GPR176: variants seen among roughly 807,000 people sequenced by gnomAD.
GPR176 encodes G protein-coupled receptor 176.
GPR176 carries 26 observed loss-of-function variants against 35.4 expected under a neutral mutation model. The observed-to-expected ratio is 0.74, with a 90% confidence interval of 0.54 to 1.02. The LOEUF (loss-of-function observed/expected upper bound fraction) is 1.02. GPR176 is among the 50% of genes least tolerant of loss of function. The pLI is 0.00. For missense variants in GPR176, 597 were observed against 665.3 expected (o/e 0.90, Z 1.13); for synonymous variants, 278 against 271.3 (o/e 1.02, Z -0.24).
At chr15:39,815,600 A>C (rs1487431566) in intron 1 of GPR176, among the ~76,000 whole-genome samples, 1 of 152,242 alleles carries the variant, frequency 6.6e-6, no homozygotes, top group Non-Finnish European at 1.5e-5. Context: ...GACTCAAAGC[A>C]AACATGAAAC....
intron 1 of GPR176, chr15:39,862,315 CATG>C (rs1433530400): frequency 6.6e-6 from 1 of 152,212 alleles, no homozygotes; most frequent in Non-Finnish European, 1.5e-5. Context: ...AACTTTTAAA[CATG>C]ATATCCTACC....
intron 1 of GPR176, among the ~76,000 whole-genome samples, chr15:39,914,801 A>T (rs2033683768): frequency 6.6e-6 from 1 of 152,216 alleles, no homozygotes; most frequent in South Asian, 2.1e-4. Context: ...TCTATCAAAC[A>T]TTTAACTAAG....
intron 1 of GPR176, among the ~76,000 whole-genome samples, chr15:39,823,705 T>C (rs1900429631): frequency 6.6e-6 from 1 of 152,188 alleles, no homozygotes; most frequent in South Asian, 2.1e-4. Context: ...TTCCCATTGT[T>C]TGTAAAGGGA....
intron 1 of GPR176, among the ~76,000 whole-genome samples, chr15:39,867,896 G>A (rs1028658690): frequency 6.6e-6 from 1 of 152,100 alleles, no homozygotes; most frequent in African/African-American, 2.4e-5. Context: ...TTTTGGAATA[G>A]GAGACAGTTT....
intron 1 of GPR176, among the ~76,000 whole-genome samples, chr15:39,808,655 A>G (rs1187159488): frequency 6.6e-6 from 1 of 152,198 alleles, no homozygotes; most frequent in African/African-American, 2.4e-5. Flanking sequence ...AACTGTATCA[A>G]TCTTGTTCAC....
At chr15:39,879,398 AT>A (rs1474933679) in intron 1 of GPR176, among the ~76,000 whole-genome samples, 1 of 152,200 alleles carries the variant, frequency 6.6e-6, no homozygotes, top group African/African-American at 2.4e-5. Context: ...ATCAGCTGAT[AT>A]TTAGATGCCT....
At chr15:39,843,829 T>C (rs1022208647) in intron 1 of GPR176, among the ~76,000 whole-genome samples, 5 of 152,176 alleles carry the variant, frequency 3.3e-5, no homozygotes, top group Admixed American at 3.3e-4. Context: ...ACAAGTGCTA[T>C]CTTCTTTTCT....
intron 1 of GPR176, among the ~76,000 whole-genome samples, chr15:39,876,822 G>A (rs1454503188): frequency 6.7e-6 from 1 of 149,956 alleles, no homozygotes; most frequent in Non-Finnish European, 1.5e-5. Context: ...GTTACAAAAA[G>A]AGAGAGAGAG....
chr15:39,899,508 C>T lies in GPR176; in HGVS notation c.172+20347G>A, dbSNP rs534823375. 3.9e-5 allele frequency among the ~76,000 whole-genome samples: 6 copies of T among 152,196 alleles called. No homozygotes were observed. The South Asian group carries it at 1.0e-3, about 26-fold the overall frequency. ...GAAGTGCCAGATCAACTCTGAAGAA[C>T]TTTAAGGAATTACAGATAATAAGAA... On this transcript the variant is annotated intron_variant, in intron 1 of 2. Transcript: ENST00000561100.
At chr15:39,874,357 T>A (rs1037792673) in intron 1 of GPR176, among the ~76,000 whole-genome samples, 9 of 152,208 alleles carry the variant, frequency 5.9e-5, no homozygotes, top group African/African-American at 2.2e-4. Flanking sequence ...TGTGATACCA[T>A]CCATTTTCAC....
intron 1 of GPR176, among the ~76,000 whole-genome samples, chr15:39,891,754 A>G (rs981625883): frequency 6.6e-6 from 1 of 152,182 alleles, no homozygotes; most frequent in Non-Finnish European, 1.5e-5. Context: ...TTGGAGGACC[A>G]CTTAAGCCCA....
chr15:39,851,957 C>T (rs1457626731), intron 1 of GPR176, among the ~76,000 whole-genome samples: 1 of 152,114 alleles, frequency 6.6e-6, no homozygotes, highest in African/African-American at 2.4e-5. Flanking sequence ...AGCTCCTGAA[C>T]AGTCTGCTTT....
rs1420038060 is a variant in GPR176 at position 39,802,074 on chromosome 15, G to A, written c.606C>T (p.His202=). The A allele has an allele frequency of 6.2e-7, 1 of 1,614,030 alleles. No homozygotes were observed. The highest frequency in any genetic ancestry group is 1.3e-5 in the African/African-American group (1 of 74,908). ...TGTTATACACCAGAACGTACACCAG[G>A]TGGCCCAAGGAGTTGCTCCAGACTT... is the stretch of plus-strand genomic sequence containing the variant. ...CTEVWSNSLG[H]LVYVLVYNIT... Residue 202 remains histidine, a synonymous_variant, in exon 3 of 3, where the codon CAC becomes CAT. Coordinates refer to ENST00000561100, the MANE Select transcript of GPR176 (RefSeq NM_007223.3).
chr15:39,898,234 GTC>G (rs2033175931), intron 1 of GPR176, among the ~76,000 whole-genome samples: 1 of 152,040 alleles, frequency 6.6e-6, no homozygotes, highest in African/African-American at 2.4e-5. Context: ...TGGTGATTAA[GTC>G]TTCCCCTTTT....
chr15:39,839,994 G>C (rs1031342729), intron 1 of GPR176, among the ~76,000 whole-genome samples: 3 of 152,226 alleles, frequency 2.0e-5, no homozygotes, highest in Non-Finnish European at 4.4e-5. Context: ...AGATGCTGGA[G>C]AGGATGTGGA....
chr15:39,892,960 G>C (rs1166616171), intron 1 of GPR176, among the ~76,000 whole-genome samples: 1 of 152,102 alleles, frequency 6.6e-6, no homozygotes, highest in Non-Finnish European at 1.5e-5. Flanking sequence ...AAGATATAAA[G>C]TTTCATTATT....
intron 2 of GPR176, 55 bp downstream of exon 2, chr15:39,806,951 T>C: frequency 6.6e-7 from 1 of 1,514,612 alleles, no homozygotes; most frequent in South Asian, 1.3e-5. Flanking sequence ...TTCATGATGC[T>C]AATTTTTTAA....
At chr15:39,822,466 A>G (rs1900338559) in intron 1 of GPR176, among the ~76,000 whole-genome samples, 1 of 152,202 alleles carries the variant, frequency 6.6e-6, no homozygotes, top group African/African-American at 2.4e-5. Flanking sequence ...ACAAAGCATT[A>G]TTATTTGTGA....
chr15:39,801,483 G>A lies in GPR176; in HGVS notation c.1197C>T (p.Asp399=), dbSNP rs770495377. 6.2e-7 allele frequency: 1 copy of A among 1,614,036 alleles called. No individual in the cohort carries two copies. The highest frequency in any genetic ancestry group is 8.5e-7 in the Non-Finnish European group (1 of 1,180,000). ...ESEAKYIGSA[D]FQAKEIFSTC... is the part of the protein sequence containing the mutation. The stretch of plus-strand genomic sequence containing the variant: ...TGCTAAATATCTCCTTGGCCTGGAA[G>A]TCAGCTGAGCCAATGTACTTGGCCT... Residue 399 remains aspartate, a synonymous_variant, in exon 3 of 3, where the codon GAC becomes GAT. Transcript: ENST00000561100.
Sources: gnomAD v4.1 joint callset for allele counts (sites outside exome capture counted in the v4.1 genomes callset) on GRCh38, gnomAD v4.1.1 for gene constraint, MANE v1.5 for transcripts, NCBI Gene and HGNC (gene_info 2026-07-23, HGNC 2026-07-21) for gene names.